The following CTNNA3 variants were observed in gnomAD, a reference collection of about 807,000 sequenced individuals.
CTNNA3 encodes catenin alpha 3, also known as catenin alpha-3.
A neutral mutation model predicts 95.7 loss-of-function variants in CTNNA3; 76 were observed. The ratio of observed to expected loss-of-function variants is 0.79; its 90% CI spans 0.66 to 0.96. The LOEUF (loss-of-function observed/expected upper bound fraction) is 0.96, where lower values mean the gene tolerates loss of function less well. Ranked by LOEUF, CTNNA3 falls within the 40% of genes least tolerant of loss-of-function variation. The probability of loss-of-function intolerance (pLI) is 0.00; values close to 1 mark genes in which losing one functional copy is unlikely to be tolerated. For synonymous variants in CTNNA3, 431 were observed against 374.4 expected, an observed-to-expected ratio of 1.15 and a Z score of -1.74; for missense variants, 1,191 against 1,089.8, an observed-to-expected ratio of 1.09 and a Z score of -1.31.
intron 5 of CTNNA3, among the ~76,000 whole-genome samples, chr10:67,360,117 T>C (rs1842945115): frequency 6.6e-6 from 1 of 151,944 alleles, no homozygotes; most frequent in Admixed American, 6.6e-5. Context: ...AGCTTCATAG[T>C]ACAGGAGAAA....
At chr10:66,693,810 C>A (rs1847654065) in intron 9 of CTNNA3, among the ~76,000 whole-genome samples, 1 of 152,242 alleles carries the variant, frequency 6.6e-6, no homozygotes, top group Admixed American at 6.5e-5. Context: ...AAGAAACTCA[C>A]TCAAAACCAC....
intron 5 of CTNNA3, among the ~76,000 whole-genome samples, chr10:67,394,034 G>T (rs1320115110): frequency 6.6e-6 from 1 of 152,158 alleles, no homozygotes; most frequent in Non-Finnish European, 1.5e-5. Flanking sequence ...AAAAATGGTA[G>T]TGGAAGAAGC....
chr10:66,653,286 C>T (rs1043324146), intron 9 of CTNNA3, among the ~76,000 whole-genome samples: 1 of 151,982 alleles, frequency 6.6e-6, no homozygotes, highest in Admixed American at 6.5e-5. Flanking sequence ...CATCAACATA[C>T]AAAAATCAGT....
intron 10 of CTNNA3, among the ~76,000 whole-genome samples, chr10:66,577,138 G>A (rs1843031596): frequency 6.6e-6 from 1 of 151,472 alleles, no homozygotes; most frequent in Admixed American, 6.6e-5. Flanking sequence ...TTTTTGAGAA[G>A]TGTCTCTTCT....
intron 7 of CTNNA3, among the ~76,000 whole-genome samples, chr10:66,997,400 A>G (rs1851414548): frequency 6.6e-6 from 1 of 152,306 alleles, no homozygotes; most frequent in East Asian, 1.9e-4. Context: ...TTTTAATCAG[A>G]TTTCATTTTA....
At chr10:66,011,449 A>G (rs1399705880) in intron 15 of CTNNA3, among the ~76,000 whole-genome samples, 6 of 152,166 alleles carry the variant, frequency 3.9e-5, no homozygotes, top group Non-Finnish European at 7.3e-5. Flanking sequence ...GGTTTCACAG[A>G]AGTTTTAATG....
At chr10:66,786,235 T>C (rs981421641) in intron 7 of CTNNA3, among the ~76,000 whole-genome samples, 3 of 151,938 alleles carry the variant, frequency 2.0e-5, no homozygotes, top group African/African-American at 7.3e-5. Context: ...TTTAATATAC[T>C]CTCCTCAAAT....
At chr10:66,021,852 C>CTTTTTTGTTTTTTTTTTTTTTTTT (rs2079219895) in intron 15 of CTNNA3, among the ~76,000 whole-genome samples, 3 of 75,952 alleles carry the variant, frequency 3.9e-5, no homozygotes, top group African/African-American at 4.9e-5. Context: ...AGGATCTTGG[C>CTTTTTTGTTTTTTTTTTTTTTTTT]TTTTTTTTTT....
At chr10:66,190,712 C>A (rs1589684018) in intron 13 of CTNNA3, among the ~76,000 whole-genome samples, 2 of 152,138 alleles carry the variant, frequency 1.3e-5, no homozygotes, top group Middle Eastern at 3.4e-3. Context: ...TCTTCTCATC[C>A]TGTAACCTCT....
chr10:66,005,400 T>G (rs889310023), intron 15 of CTNNA3, among the ~76,000 whole-genome samples: 1 of 152,216 alleles, frequency 6.6e-6, no homozygotes, highest in Non-Finnish European at 1.5e-5. Context: ...GTTATGGTGA[T>G]TATTTCTCTA....
At chr10:67,345,395 C>T (rs1185357819) in intron 5 of CTNNA3, among the ~76,000 whole-genome samples, 1 of 151,992 alleles carries the variant, frequency 6.6e-6, no homozygotes, top group Admixed American at 6.6e-5. Flanking sequence ...TGTTGATTTT[C>T]TGTCTGGTAG....
intron 5 of CTNNA3, among the ~76,000 whole-genome samples, chr10:67,438,031 C>T (rs1846365411): frequency 6.7e-6 from 1 of 149,266 alleles, no homozygotes; most frequent in African/African-American, 2.5e-5. Flanking sequence ...TTTAAACTTG[C>T]TAAAAAAAAA....
chr10:66,280,378 G>T, intron 13 of CTNNA3, 92 bp downstream of exon 13: 1 of 1,112,082 alleles, frequency 9.0e-7, no homozygotes, highest in Non-Finnish European at 1.3e-6. Context: ...TGACATTACA[G>T]CATAGAAATA....
intron 7 of CTNNA3, among the ~76,000 whole-genome samples, chr10:67,172,112 A>G (rs924641020): frequency 1.3e-5 from 2 of 152,186 alleles, no homozygotes; most frequent in African/African-American, 4.8e-5. Flanking sequence ...TGGAATTCCC[A>G]ACTCCCTCAA....
chr10:67,638,673 T>G (rs2133455450), intron 2 of CTNNA3, among the ~76,000 whole-genome samples: 1 of 152,308 alleles, frequency 6.6e-6, no homozygotes, highest in South Asian at 2.1e-4. Flanking sequence ...CAGACCACAG[T>G]GCAATCAAAC....
chr10:67,407,255 T>G (rs1845170691), intron 5 of CTNNA3, among the ~76,000 whole-genome samples: 1 of 152,226 alleles, frequency 6.6e-6, no homozygotes, highest in South Asian at 2.1e-4. Flanking sequence ...AATGCAAGTT[T>G]CGTTCAACAC....
At chr10:66,485,364 CT>C (rs1360078518) in intron 11 of CTNNA3, among the ~76,000 whole-genome samples, 1 of 151,958 alleles carries the variant, frequency 6.6e-6, no homozygotes, top group Non-Finnish European at 1.5e-5. Context: ...TGAAAACAAC[CT>C]GTTAGAAATA....
In CTNNA3 at chr10:66,656,546, G is replaced by A. The variant is rs144867279; in HGVS notation, c.1282-34762C>T. Among the ~76,000 whole-genome samples, 429 of 152,228 alleles carry A rather than the reference G, an allele frequency of 2.8e-3. 3 individuals are homozygous for A. Among genetic ancestry groups the A allele is most frequent in the Non-Finnish European group, 2.6e-3 (178 of 67,944 alleles). On this transcript the variant is annotated intron_variant, in intron 9 of 17. Transcript: ENST00000433211. ...TACATAGGTGAGAGAGGACTTGCTA[G>A]TTTATGTAAAGTTCAACACCCATTC...
rs1847144573 is a variant in CTNNA3, at chr10:66,927,499, A to G, written c.1048-151975T>C. The G allele has an allele frequency of 6.2e-7, 1 of 1,613,990 alleles. No individual in the cohort carries two copies. The highest frequency in any genetic ancestry group is 8.5e-7 in the Non-Finnish European group (1 of 1,180,036). ...GGACCTGGGATATAACCGGATCCGA[A>G]GTTTAGCCAGGAATGTCTTTGCTGG... On this transcript the variant is annotated intron_variant, in intron 7 of 17. Transcript: ENST00000433211. This position sits in a 1 kb window ranked among gnomAD's most constrained non-coding sequence, Gnocchi z 4.7.
Sources: gnomAD v4.1 joint callset for allele counts (sites outside exome capture counted in the v4.1 genomes callset) on GRCh38, gnomAD v4.1.1 for gene constraint, Gnocchi (gnomAD v3.1) non-coding constraint, MANE v1.5 for transcripts, NCBI Gene and HGNC (gene_info 2026-07-23, HGNC 2026-07-21) for gene names.